The following ZBTB38 variants were observed in gnomAD, a reference collection of about 807,000 sequenced individuals.
The protein encoded by ZBTB38 is zinc finger and BTB domain-containing protein 38.
Under a neutral mutation model 76.8 loss-of-function variants are expected in ZBTB38, and 20 were observed. The observed-to-expected ratio is 0.26, with a 90% CI of 0.18 to 0.38. The LOEUF (loss-of-function observed/expected upper bound fraction) is 0.38, where lower values mean the gene tolerates loss of function less well. ZBTB38 is among the 10% of genes least tolerant of loss of function. The pLI is 1.00. For synonymous variants in ZBTB38, 504 were observed against 544.2 expected (o/e 0.93, Z 1.03); for missense variants, 1,082 against 1,482.3 (o/e 0.73, Z 4.43).
intron 3 of ZBTB38, chr3:141,384,926 G>GAT (rs1376893960): frequency 6.6e-6 from 1 of 152,222 alleles, no homozygotes; most frequent in African/African-American, 2.4e-5. Context: ...AAGTGTATAG[G>GAT]ATATAGGAGG....
At chr3:141,353,998 A>C (rs755377309) in intron 1 of ZBTB38, among the ~76,000 whole-genome samples, 1 of 152,104 alleles carries the variant, frequency 6.6e-6, no homozygotes, top group Non-Finnish European at 1.5e-5. Context: ...CTTATCCCAA[A>C]ATTTCTTCAA....
chr3:141,339,488 G>T (rs1157747501), intron 1 of ZBTB38, among the ~76,000 whole-genome samples: 1 of 152,222 alleles, frequency 6.6e-6, no homozygotes, highest in Non-Finnish European at 1.5e-5. Flanking sequence ...AAAATCCAGG[G>T]AAGAGGTCAT....
At chr3:141,426,325 T>C (rs940829890) in intron 5 of ZBTB38, among the ~76,000 whole-genome samples, 9 of 152,248 alleles carry the variant, frequency 5.9e-5, no homozygotes, top group African/African-American at 1.9e-4. Context: ...AAATTCTTTT[T>C]GTGGTTCCAC....
intron 4 of ZBTB38, chr3:141,387,692 T>C (rs1947506175): frequency 6.6e-6 from 1 of 152,248 alleles, no homozygotes; most frequent in African/African-American, 2.4e-5. Context: ...TTTTCAATCC[T>C]GTTTTCCTGT....
intron 5 of ZBTB38, among the ~76,000 whole-genome samples, chr3:141,433,435 A>G (rs2078057421): frequency 6.6e-6 from 1 of 151,714 alleles, no homozygotes; most frequent in Non-Finnish European, 1.5e-5. Flanking sequence ...TGTTTATCTG[A>G]GTTCTTTCTG....
Position 141,413,202 on chromosome 3 carries a change from C to T in ZBTB38, c.-1+9171C>T, listed in dbSNP as rs1030739452. 1.3e-5 allele frequency among the ~76,000 whole-genome samples: 2 copies of T among 152,198 alleles called. No individual in the cohort carries two copies. The highest frequency in any genetic ancestry group is 6.5e-5 in the Admixed American group (1 of 15,286). ...ATGATCTCTGTACGCTGGTATTTTG[C>T]GCCTGGAGCCAGGTGTCTGTTGACA... On this transcript the variant is annotated intron_variant, in intron 5 of 5. Transcript: ENST00000321464. The surrounding 1 kb of genome is among the most constrained non-coding windows in gnomAD (Gnocchi z 4.1).
intron 3 of ZBTB38, chr3:141,384,835 A>C (rs764339527): frequency 5.9e-5 from 9 of 152,316 alleles, no homozygotes; most frequent in Middle Eastern, 3.4e-3. Flanking sequence ...TGTGGGAGAG[A>C]GATGTACTCC....
In ZBTB38 at chr3:141,442,571, C is replaced by G. The variant is rs769884189; in HGVS notation, c.183C>G (p.Ile61Met). The G allele has an allele frequency of 6.2e-7, 1 of 1,614,112 alleles. No individual in the cohort carries two copies. Residue 61 changes from isoleucine to methionine, a missense_variant, in exon 6 of 6, where the codon ATC becomes ATG. Around this residue, in one of 8 missense-constraint regions of ZBTB38, gnomAD observed 68 missense variants for 153.0 expected, o/e 0.44. Transcript: ENST00000321464. The surrounding 1 kb of genome is among the most constrained non-coding windows in gnomAD (Gnocchi z 6.4). The part of the protein sequence containing the change: ...LAASSLYFKN[I>M]FWSHTICISS... ...CTTCAAGCCTGTATTTTAAAAATATCTTTTGGAGCCATACAATCTGTATTT... is the reference window on the plus strand; with the variant it reads ...CTTCAAGCCTGTATTTTAAAAATATGTTTTGGAGCCATACAATCTGTATTT...
upstream of ZBTB38, among the ~76,000 whole-genome samples, chr3:141,365,847 T>C (rs1004819814): frequency 6.6e-6 from 1 of 152,220 alleles, no homozygotes; most frequent in Non-Finnish European, 1.5e-5. Context: ...ACCCATTGAA[T>C]TGTACACTTT....
chr3:141,344,679 A>G (rs1943291821), intron 1 of ZBTB38, among the ~76,000 whole-genome samples: 2 of 152,144 alleles, frequency 1.3e-5, no homozygotes, highest in Admixed American at 1.3e-4. Flanking sequence ...CAGCTCTTCC[A>G]TCTTCAAAGC....
intron 4 of ZBTB38, among the ~76,000 whole-genome samples, chr3:141,402,030 G>T (rs1313647186): frequency 6.6e-6 from 1 of 152,238 alleles, no homozygotes; most frequent in African/African-American, 2.4e-5. Context: ...GCCTTGTTCT[G>T]ACAGTCACCA....
chr3:141,429,652 TTG>T (rs1391645789), intron 5 of ZBTB38, among the ~76,000 whole-genome samples: 13 of 152,126 alleles, frequency 8.5e-5, no homozygotes, highest in African/African-American at 2.9e-4. Context: ...CGGGTGATAA[TTG>T]CAGGTTGAGG....
upstream of ZBTB38, among the ~76,000 whole-genome samples, chr3:141,364,232 G>GCCTGACCAACA (rs1241431251): frequency 2.7e-5 from 4 of 150,616 alleles, no homozygotes; most frequent in African/African-American, 9.8e-5. Flanking sequence ...TTCAAGACCA[G>GCCTGACCAACA]TTGGACTTCA....
chr3:141,383,027 G>C (rs1243147194), intron 3 of ZBTB38, among the ~76,000 whole-genome samples: 1 of 152,156 alleles, frequency 6.6e-6, no homozygotes, highest in Admixed American at 6.5e-5. Flanking sequence ...TAAAATTGAA[G>C]GTACTCAGTT....
intron 1 of ZBTB38, among the ~76,000 whole-genome samples, chr3:141,327,296 A>C (rs1369091859): frequency 6.6e-6 from 1 of 152,214 alleles, no homozygotes; most frequent in Non-Finnish European, 1.5e-5. Flanking sequence ...GAAAGGGGGA[A>C]AAAGAGAAAT....
chr3:141,402,004 C>A (rs1952158752), intron 4 of ZBTB38, among the ~76,000 whole-genome samples: 1 of 152,234 alleles, frequency 6.6e-6, no homozygotes, highest in African/African-American at 2.4e-5. Flanking sequence ...GCCCACGGAC[C>A]CTTCTGCGGC....
At chr3:141,376,825 C>A (rs1366844354) in intron 2 of ZBTB38, among the ~76,000 whole-genome samples, 1 of 152,174 alleles carries the variant, frequency 6.6e-6, no homozygotes, top group Non-Finnish European at 1.5e-5. Flanking sequence ...TGTCCACATG[C>A]TGCTGGAGAG....
chr3:141,353,901 T>C (rs1943587029), intron 1 of ZBTB38, among the ~76,000 whole-genome samples: 1 of 152,152 alleles, frequency 6.6e-6, no homozygotes, highest in South Asian at 2.1e-4. Context: ...CTCCGGCAAG[T>C]GTGGTCTTGC....
chr3:141,404,836 G>A (rs954488192), intron 5 of ZBTB38, among the ~76,000 whole-genome samples: 6 of 152,158 alleles, frequency 3.9e-5, no homozygotes, highest in African/African-American at 1.4e-4. Flanking sequence ...ACTGCAAAGT[G>A]CCCGTCCTGG....
Sources: allele counts gnomAD v4.1 joint callset (sites outside exome capture counted in the v4.1 genomes callset), GRCh38; gene constraint gnomAD v4.1.1; regional missense constraint gnomAD v4.1.1; non-coding constraint Gnocchi (gnomAD v3.1); transcripts MANE v1.5; gene names NCBI Gene and HGNC (gene_info 2026-07-23, HGNC 2026-07-21).